The following LIPK variants were observed in gnomAD, a reference collection of about 807,000 sequenced individuals.
LIPK encodes the protein lipase family member K.
Under a neutral mutation model 48.6 loss-of-function variants are expected in LIPK, and 32 were observed. The ratio of observed to expected loss-of-function variants is 0.66; its 90% CI spans 0.50 to 0.88. The LOEUF is 0.88. Ranked by LOEUF, LIPK falls within the 40% of genes least tolerant of loss-of-function variation. The pLI is 0.00. For missense variants in LIPK, 507 were observed against 478.5 expected (o/e 1.06, Z -0.56); for synonymous variants, 164 against 157.4 (o/e 1.04, Z -0.32).
rs1842352313 is a variant in LIPK at position 88,726,834 on chromosome 10, T to C, written c.145T>C (p.Tyr49His). Residue 49 changes from tyrosine (Y) to histidine (H), a missense_variant, in exon 3 of 10, where the codon TAT becomes CAT. Coordinates refer to ENST00000404190, the MANE Select transcript of LIPK (RefSeq NM_001080518.2). ...TTACTGGGGTTATCCTTATGAAGAG[T>C]ATGATGTTACAACAAAAGATGGTTA... ...ISYWGYPYEEYDVTTKDGYIL... is the reference protein window; with the variant it reads ...ISYWGYPYEEHDVTTKDGYIL... 3 of 1,606,368 alleles carry C rather than the reference T, an allele frequency of 1.9e-6. No individual in the cohort carries two copies. The highest frequency in any genetic ancestry group is 2.6e-6 in the Non-Finnish European group (3 of 1,174,106).
At chr10:88,745,104 CA>C (rs1447690696) in intron 9 of LIPK, among the ~76,000 whole-genome samples, 2 of 152,080 alleles carry the variant, frequency 1.3e-5, no homozygotes, top group Admixed American at 1.3e-4. Context: ...AAAAAATGAA[CA>C]AAATCTGCAG....
chr10:88,729,759 T>A (rs1418011538), intron 3 of LIPK, among the ~76,000 whole-genome samples: 3 of 152,170 alleles, frequency 2.0e-5, no homozygotes, highest in Non-Finnish European at 4.4e-5. Flanking sequence ...GACTCTTAGT[T>A]CCTTGGTCCC....
At chr10:88,752,474 A>C in intron 9 of LIPK, 43 bp from the exon 10 acceptor site, 1 of 1,408,064 alleles carries the variant, frequency 7.1e-7, no homozygotes, top group South Asian at 1.2e-5. Context: ...CTATAATGTA[A>C]TATTCTGTAA....
At chr10:88,724,272 A>T (rs970617811) in intron 1 of LIPK, among the ~76,000 whole-genome samples, 3 of 152,170 alleles carry the variant, frequency 2.0e-5, no homozygotes, top group African/African-American at 7.2e-5. Context: ...TATCTACTGG[A>T]AACTTGATTG....
Position 88,736,963 on chromosome 10 carries a change from G to A in LIPK, c.670-672G>A, listed in dbSNP as rs111281944. Among the ~76,000 whole-genome samples, 1,023 of 152,134 alleles carry A rather than the reference G, an allele frequency of 6.7e-3. 4 individuals carry two copies. The highest frequency in any genetic ancestry group is 0.024 in the Middle Eastern group (7 of 294). The stretch of plus-strand genomic sequence containing the variant: ...AAATGTCTTTTTACCTTTATATCTA[G>A]TTTATTATGCCAAGATTATAAAACT... On this transcript the variant is annotated intron_variant, in intron 6 of 9. Coordinates refer to ENST00000404190, the MANE Select transcript of LIPK (RefSeq NM_001080518.2).
At chr10:88,739,841 C>T (rs11813705) in intron 7 of LIPK, among the ~76,000 whole-genome samples, 155 bp from the exon 8 acceptor site, 168 of 149,052 alleles carry the variant, frequency 1.1e-3, no homozygotes, top group Non-Finnish European at 2.1e-3. Flanking sequence ...GGTGACAGAG[C>T]GAGACTCCAA....
At chr10:88,709,017 G>T (rs2134675066) in intron 1 of LIPK, among the ~76,000 whole-genome samples, 1 of 152,250 alleles carries the variant, frequency 6.6e-6, no homozygotes. Flanking sequence ...CACATTAAAA[G>T]TTTAATGAAA....
chr10:88,715,962 A>G (rs413898), intron 1 of LIPK, among the ~76,000 whole-genome samples: 119,203 of 152,064 alleles, frequency 0.78, 47,692 homozygotes, highest in East Asian at 1. Flanking sequence ...TGACTTGTAT[A>G]TTTGATCTAG....
At chr10:88,723,104 C>T (rs917982641) in intron 1 of LIPK, among the ~76,000 whole-genome samples, 8 of 151,838 alleles carry the variant, frequency 5.3e-5, no homozygotes. Context: ...AGGCTGGTCT[C>T]GTACTCCTGG....
intron 7 of LIPK, among the ~76,000 whole-genome samples, 154 bp from the exon 8 acceptor site, chr10:88,739,842 G>A (rs571380498): frequency 2.6e-5 from 4 of 151,232 alleles, no homozygotes; most frequent in African/African-American, 9.7e-5. Flanking sequence ...GTGACAGAGC[G>A]AGACTCCAAC....
At chr10:88,732,967 C>T (rs1235923575) in intron 6 of LIPK, among the ~76,000 whole-genome samples, 1 of 152,126 alleles carries the variant, frequency 6.6e-6, no homozygotes, top group African/African-American at 2.4e-5. Context: ...TAAATTTGGT[C>T]AAGACCTTAA....
At chr10:88,712,482 T>C (rs1391160986) in intron 1 of LIPK, among the ~76,000 whole-genome samples, 1 of 152,212 alleles carries the variant, frequency 6.6e-6, no homozygotes, top group Non-Finnish European at 1.5e-5. Context: ...ATTTACCTGT[T>C]AATGGCCTAA....
At chr10:88,730,918 T>G in intron 3 of LIPK, 65 bp from the exon 4 acceptor site, 1,439 of 1,347,044 alleles carry the variant, frequency 1.1e-3, no homozygotes, top group Non-Finnish European at 1.3e-3. Flanking sequence ...AATTCAGGAA[T>G]GAGATTTTTC....
intron 2 of LIPK, among the ~76,000 whole-genome samples, chr10:88,726,287 C>CT (rs2134721581): frequency 6.6e-6 from 1 of 152,350 alleles, no homozygotes; most frequent in East Asian, 1.9e-4. Flanking sequence ...CCAGACTTAC[C>CT]TATGCCTCTT....
intron 1 of LIPK, among the ~76,000 whole-genome samples, chr10:88,722,901 T>TTTTTTTTTTTTTTTA (rs1842258891): frequency 6.8e-6 from 1 of 146,806 alleles, no homozygotes; most frequent in Non-Finnish European, 1.5e-5. Context: ...TTTTTTTTTT[T>TTTTTTTTTTTTTTTA]GACAGGGTTT....
At chr10:88,720,340 G>A (rs1483820021) in intron 1 of LIPK, among the ~76,000 whole-genome samples, 1 of 152,078 alleles carries the variant, frequency 6.6e-6, no homozygotes, top group Non-Finnish European at 1.5e-5. Flanking sequence ...GACACAAAGA[G>A]GGGAATGACA....
intron 1 of LIPK, among the ~76,000 whole-genome samples, chr10:88,710,769 A>T (rs1322643808): frequency 6.6e-6 from 1 of 152,218 alleles, no homozygotes; most frequent in African/African-American, 2.4e-5. Flanking sequence ...CTATTTGTGA[A>T]TAAATCTTCA....
At chr10:88,744,117 T>C (rs1456915662) in intron 9 of LIPK, among the ~76,000 whole-genome samples, 1 of 151,898 alleles carries the variant, frequency 6.6e-6, no homozygotes, top group East Asian at 1.9e-4. Flanking sequence ...ACAGGGCCAG[T>C]GTAATCTGAG....
At position 88,725,985 on chromosome 10, in the gene LIPK, C is replaced by T. The variant is rs190007540; in HGVS notation, c.106-810C>T. On this transcript the variant is annotated intron_variant, in intron 2 of 9. Coordinates refer to ENST00000404190, the MANE Select transcript of LIPK (RefSeq NM_001080518.2). The stretch of plus-strand genomic sequence containing the variant: ...CAGTAAGGTTTCATTTTTTATTGCC[C>T]TGGCTTCCTCCCTGTGAAGTCAACT... 1.1e-3 allele frequency among the ~76,000 whole-genome samples: 174 copies of T among 152,290 alleles called. 2 individuals are homozygous for T. The highest frequency in any genetic ancestry group is 1.0e-3 in the Non-Finnish European group (71 of 68,026).
Sources: gnomAD v4.1 joint callset for allele counts (sites outside exome capture counted in the v4.1 genomes callset) on GRCh38, gnomAD v4.1.1 for gene constraint, MANE v1.5 for transcripts, NCBI Gene and HGNC (gene_info 2026-07-23, HGNC 2026-07-21) for gene names.